PRELID2: variants seen among roughly 807,000 people sequenced by gnomAD.
The protein encoded by PRELID2 is PRELI domain containing 2.
Under a neutral mutation model 28.4 loss-of-function variants are expected in PRELID2, and 25 were observed. The ratio of observed to expected loss-of-function variants is 0.88; its 90% CI spans 0.64 to 1.23. PRELID2 has a LOEUF of 1.23. Ranked by LOEUF, PRELID2 falls within the 50% of genes most tolerant of loss-of-function variation. PRELID2 has a pLI of 0.00. For missense variants in PRELID2, 201 were observed against 214.4 expected (o/e 0.94, Z 0.39); for synonymous variants, 76 against 71.6 (o/e 1.06, Z -0.31).
At chr5:145,353,564 C>A in the PRELID2 span, among the ~76,000 whole-genome samples, 9 of 152,094 alleles carry the variant, frequency 5.9e-5, no homozygotes, top group African/African-American at 2.2e-4. Context: ...GAGGAGGCCT[C>A]AGGGAACTTA....
At chr5:145,307,226 G>A in the PRELID2 span, among the ~76,000 whole-genome samples, 4 of 152,134 alleles carry the variant, frequency 2.6e-5, no homozygotes, top group South Asian at 4.1e-4. Flanking sequence ...TATAGTTGGG[G>A]CAGTCATGGA....
At chr5:145,327,625 G>T in the PRELID2 span, among the ~76,000 whole-genome samples, 1 of 151,966 alleles carries the variant, frequency 6.6e-6, no homozygotes, top group African/African-American at 2.4e-5. Context: ...TGATAGGTAA[G>T]AATTTACTAT....
At chr5:145,820,563 C>A (rs186016158) in intron 2 of PRELID2, among the ~76,000 whole-genome samples, 16 of 152,258 alleles carry the variant, frequency 1.1e-4, no homozygotes, top group Admixed American at 9.8e-4. Flanking sequence ...GCACAGATTT[C>A]TGGCTGCAAA....
the PRELID2 span, among the ~76,000 whole-genome samples, chr5:145,369,408 G>T: frequency 6.6e-6 from 1 of 151,974 alleles, no homozygotes; most frequent in Non-Finnish European, 1.5e-5. Context: ...TGCTGAGAAT[G>T]ATGGCTTCCA....
At chr5:145,335,667 A>G in the PRELID2 span, among the ~76,000 whole-genome samples, 1 of 152,234 alleles carries the variant, frequency 6.6e-6, no homozygotes, top group Non-Finnish European at 1.5e-5. Context: ...ATGGAAACCC[A>G]ACTACCAAAA....
chr5:145,246,645 C>G, the PRELID2 span, among the ~76,000 whole-genome samples: 1 of 152,138 alleles, frequency 6.6e-6, no homozygotes, highest in East Asian at 1.9e-4. Context: ...GTATGAGAGA[C>G]ATGGTAAGAG....
the PRELID2 span, among the ~76,000 whole-genome samples, chr5:145,403,748 G>A: frequency 6.6e-6 from 1 of 152,196 alleles, no homozygotes; most frequent in Non-Finnish European, 1.5e-5. Context: ...GAAGTCAGCA[G>A]GATTGGGTAC....
chr5:145,643,586 G>T (rs1424034125), intron 1 of PRELID2, among the ~76,000 whole-genome samples: 2 of 152,132 alleles, frequency 1.3e-5, no homozygotes, highest in Non-Finnish European at 1.5e-5. Flanking sequence ...TTCTTGCCTT[G>T]TGCAGGATTT....
chr5:145,733,902 A>G (rs1291944331), intron 1 of PRELID2, among the ~76,000 whole-genome samples: 1 of 152,106 alleles, frequency 6.6e-6, no homozygotes, highest in Non-Finnish European at 1.5e-5. Context: ...ACTATGCTAG[A>G]TTATCCAGCA....
chr5:145,307,168 C>T, the PRELID2 span, among the ~76,000 whole-genome samples: 8 of 152,160 alleles, frequency 5.3e-5, no homozygotes, highest in Non-Finnish European at 1.2e-4. Context: ...CTAAGGCATG[C>T]CATTTCATTT....
At chr5:145,381,293 C>T in the PRELID2 span, among the ~76,000 whole-genome samples, 1 of 152,126 alleles carries the variant, frequency 6.6e-6, no homozygotes, top group African/African-American at 2.4e-5. Flanking sequence ...GAGAGAAAAA[C>T]TTCAGAACTT....
the PRELID2 span, among the ~76,000 whole-genome samples, chr5:145,314,442 C>T: frequency 6.6e-6 from 1 of 152,088 alleles, no homozygotes; most frequent in Non-Finnish European, 1.5e-5. Flanking sequence ...TACTAGAAAT[C>T]TCTTACAGTT....
rs535757969 is a variant in PRELID2 at position 145,540,658 on chromosome 5, A to T, written n.71-67343T>A. On this transcript the variant is annotated intron_variant and non_coding_transcript_variant, in intron 1 of 2. Coordinates refer to the PRELID2 transcript ENST00000510259. ...AAGCCCCAAATATGAGGGATTATTT[A>T]AGACCCATTTTTTCTAAGAAGTCAA... 7.3e-5 allele frequency among the ~76,000 whole-genome samples: 11 copies of T among 151,356 alleles called. No individual in the cohort carries two copies. In the South Asian group the frequency reaches 2.3e-3, roughly 32 times the overall value.
chr5:145,567,128 C>T (rs187053595), intron 1 of PRELID2, among the ~76,000 whole-genome samples: 8 of 151,854 alleles, frequency 5.3e-5, no homozygotes, highest in Non-Finnish European at 8.8e-5. Flanking sequence ...CTTTATTTTC[C>T]CCACCAAAAT....
chr5:145,792,552 G>A (rs1441403110), intron 5 of PRELID2, among the ~76,000 whole-genome samples: 1 of 152,176 alleles, frequency 6.6e-6, no homozygotes, highest in African/African-American at 2.4e-5. Flanking sequence ...TGTCCCAGAA[G>A]TAAAGCTACT....
chr5:145,778,237 T>C (rs1758540980), intron 5 of PRELID2, among the ~76,000 whole-genome samples: 1 of 151,614 alleles, frequency 6.6e-6, no homozygotes, highest in Non-Finnish European at 1.5e-5. Context: ...CTGACAGCTC[T>C]AGAAATAGGA....
intron 1 of PRELID2, among the ~76,000 whole-genome samples, chr5:145,643,047 A>G (rs998720320): frequency 6.6e-6 from 1 of 152,188 alleles, no homozygotes; most frequent in Non-Finnish European, 1.5e-5. Flanking sequence ...TTCCAATTCT[A>G]TGAAGAAAGT....
chr5:145,579,127 G>A (rs762782569), intron 1 of PRELID2, among the ~76,000 whole-genome samples: 2 of 151,924 alleles, frequency 1.3e-5, no homozygotes, highest in Non-Finnish European at 2.9e-5. Flanking sequence ...GTCTTACAGG[G>A]GTCTGAAGAT....
rs879763002 is a variant in PRELID2 at position 145,798,323 on chromosome 5, G to A, written c.369-1776C>T. ...GAAGCAGAGTGAGTGCCTATTTGAAGAAATAATGGCTGAAAATTCCCCAAA... is the reference window on the plus strand; with the variant it reads ...GAAGCAGAGTGAGTGCCTATTTGAAAAAATAATGGCTGAAAATTCCCCAAA... On this transcript the variant is annotated intron_variant, in intron 4 of 6. Transcript: ENST00000683046. 3.0e-4 allele frequency among the ~76,000 whole-genome samples: 45 copies of A among 152,142 alleles called. 1 individual carries two copies. Among genetic ancestry groups the A allele is most frequent in the African/African-American group, 1.1e-3 (44 of 41,432 alleles).
Sources: gnomAD v4.1 joint callset for allele counts (sites outside exome capture counted in the v4.1 genomes callset) on GRCh38, gnomAD v4.1.1 for gene constraint, MANE v1.5 for transcripts, NCBI Gene and HGNC (gene_info 2026-07-23, HGNC 2026-07-21) for gene names.